COL19A1: variants seen among roughly 807,000 people sequenced by gnomAD.
COL19A1 encodes collagen alpha-1(XIX) chain.
Under a neutral mutation model 190.2 loss-of-function variants are expected in COL19A1, and 159 were observed. The observed-to-expected ratio is 0.84, with a 90% CI of 0.73 to 0.95. The LOEUF (loss-of-function observed/expected upper bound fraction) is 0.95, where lower values mean the gene tolerates loss of function less well. COL19A1 is among the 40% of genes least tolerant of loss of function. COL19A1 has a pLI of 0.00. For synonymous variants in COL19A1, 509 were observed against 458.9 expected, an observed-to-expected ratio of 1.11 and a Z score of -1.39; for missense variants, 1,418 against 1,431.9, an observed-to-expected ratio of 0.99 and a Z score of 0.16.
At chr6:69,909,244 T>G (rs541201375) in intron 4 of COL19A1, among the ~76,000 whole-genome samples, 1 of 152,210 alleles carries the variant, frequency 6.6e-6, no homozygotes, top group South Asian at 2.1e-4. Flanking sequence ...GGAGTAGTTT[T>G]TCACTTGTCT....
intron 14 of COL19A1, among the ~76,000 whole-genome samples, chr6:70,042,419 CA>C (rs1353162027): frequency 1.3e-5 from 2 of 152,006 alleles, no homozygotes; most frequent in Admixed American, 6.6e-5. Flanking sequence ...TTATATTATG[CA>C]AAAACAATTT....
At chr6:70,055,158 A>G (rs1012350154) in intron 14 of COL19A1, among the ~76,000 whole-genome samples, 1 of 152,222 alleles carries the variant, frequency 6.6e-6, no homozygotes, top group Non-Finnish European at 1.5e-5. Flanking sequence ...AATATAAAGT[A>G]AAACACCTCT....
intron 2 of COL19A1, among the ~76,000 whole-genome samples, chr6:69,895,934 T>C (rs995851493): frequency 1.3e-5 from 2 of 151,900 alleles, no homozygotes; most frequent in Non-Finnish European, 2.9e-5. Context: ...GCCATTAATA[T>C]TCTTGTCTAA....
intron 31 of COL19A1, 46 bp downstream of exon 31, chr6:70,151,484 A>G (rs750684094): frequency 1.3e-6 from 2 of 1,578,992 alleles, no homozygotes; most frequent in Non-Finnish European, 1.7e-6. Flanking sequence ...TTCCAGGAAA[A>G]ATTAGAAAGA....
At chr6:70,198,555 T>G (rs576925450) in intron 48 of COL19A1, among the ~76,000 whole-genome samples, 25 of 152,324 alleles carry the variant, frequency 1.6e-4, no homozygotes, top group Middle Eastern at 6.8e-3. Context: ...TGAGGTATAC[T>G]AAATATAAAC....
chr6:69,965,092 A>G (rs1775016873), intron 11 of COL19A1, among the ~76,000 whole-genome samples: 2 of 152,180 alleles, frequency 1.3e-5, no homozygotes, highest in Non-Finnish European at 2.9e-5. Flanking sequence ...AACATAATTT[A>G]TTTTCTGAAC....
chr6:70,190,517 G>A lies in COL19A1; in HGVS notation c.3094+136G>A, dbSNP rs115115377. On this transcript the variant is annotated intron_variant, in intron 48 of 50. Transcript: ENST00000620364. ...TTAAGGGGCAGCCCATTTTATGATG[G>A]GACAGCTCTTTGATGAAAATTCTTC... The A allele has an allele frequency of 2.4e-3, 1,480 of 616,508 alleles. 15 individuals carry two copies. In the African/African-American group the frequency reaches 0.025, roughly 10 times the overall value. 38.2% of individuals were successfully genotyped at this position (616,508 alleles called of 1,614,324 possible). A position where few individuals can be genotyped will look rare whatever the true frequency, so the allele number is the denominator to read the frequency against.
chr6:70,159,147 C>CAAAAAA (rs3840404), intron 34 of COL19A1, among the ~76,000 whole-genome samples: 1 of 135,374 alleles, frequency 7.4e-6, no homozygotes, highest in African/African-American at 2.7e-5. Flanking sequence ...CTAAAAGTAG[C>CAAAAAA]AAAAAAAAAA....
intron 16 of COL19A1, among the ~76,000 whole-genome samples, chr6:70,105,916 T>A (rs1783929865): frequency 6.6e-6 from 1 of 152,216 alleles, no homozygotes; most frequent in Non-Finnish European, 1.5e-5. Context: ...AAACATTATG[T>A]TTGAGCAATT....
intron 11 of COL19A1, among the ~76,000 whole-genome samples, chr6:70,018,191 AT>A (rs1413905704): frequency 1.3e-5 from 2 of 152,116 alleles, no homozygotes; most frequent in Non-Finnish European, 2.9e-5. Flanking sequence ...GTAAGGAATA[AT>A]TGTTCCATGT....
chr6:70,203,998 T>C (rs939403077), intron 49 of COL19A1, among the ~76,000 whole-genome samples: 3 of 152,016 alleles, frequency 2.0e-5, no homozygotes, highest in African/African-American at 7.3e-5. Flanking sequence ...GTAGCTGGGA[T>C]TACAGGTGCC....
intron 18 of COL19A1, among the ~76,000 whole-genome samples, chr6:70,133,622 G>C (rs1785655814): frequency 6.6e-6 from 1 of 152,180 alleles, no homozygotes; most frequent in South Asian, 2.1e-4. Flanking sequence ...GGTGTCTTGT[G>C]AGGAAGACTG....
chr6:69,903,219 A>G (rs1303151945), intron 4 of COL19A1, among the ~76,000 whole-genome samples: 2 of 152,224 alleles, frequency 1.3e-5, no homozygotes, highest in Admixed American at 1.3e-4. Flanking sequence ...TGTCAGTGTT[A>G]GGCTGGACTG....
At chr6:70,086,884 G>A (rs1278691956) in intron 15 of COL19A1, among the ~76,000 whole-genome samples, 1 of 152,142 alleles carries the variant, frequency 6.6e-6, no homozygotes, top group Non-Finnish European at 1.5e-5. Context: ...AATATTTATT[G>A]AGCACCTATT....
chr6:70,152,180 C>CA (rs1425329270), intron 31 of COL19A1, among the ~76,000 whole-genome samples: 3 of 152,086 alleles, frequency 2.0e-5, no homozygotes. Context: ...ACTTCATACT[C>CA]AAACACAGTG....
chr6:69,872,836 T>C (rs1767919499), intron 1 of COL19A1, among the ~76,000 whole-genome samples: 1 of 152,264 alleles, frequency 6.6e-6, no homozygotes, highest in African/African-American at 2.4e-5. Context: ...ATTGTGATTT[T>C]GGTGCTTTGT....
intron 11 of COL19A1, among the ~76,000 whole-genome samples, chr6:70,019,063 T>G (rs1422614255): frequency 6.6e-6 from 1 of 152,132 alleles, no homozygotes; most frequent in East Asian, 1.9e-4. Context: ...CAGCTTCAGC[T>G]AAAAGCTGAA....
At position 69,946,452 on chromosome 6, in the gene COL19A1, G is replaced by C. The variant is rs550529582; in HGVS notation, c.936+8352G>C. ...AGCATATTAGACTACTCAAAATTTG[G>C]TAAATTACAAAGCTGAATTACATAT... On this transcript the variant is annotated intron_variant, in intron 9 of 50. Transcript: ENST00000620364. Among the ~76,000 whole-genome samples the C allele has an allele frequency of 3.3e-5, 5 of 151,834 alleles. No individual in the cohort carries two copies. The South Asian group carries it at 8.3e-4, about 25-fold the overall frequency.
intron 47 of COL19A1, among the ~76,000 whole-genome samples, 168 bp from the exon 48 acceptor site, chr6:70,190,147 G>A (rs1386280474): frequency 6.6e-6 from 1 of 152,118 alleles, no homozygotes; most frequent in Non-Finnish European, 1.5e-5. Context: ...CCAGAATTTG[G>A]TCAAAGCAAC....
Sources: allele counts gnomAD v4.1 joint callset (sites outside exome capture counted in the v4.1 genomes callset), GRCh38; gene constraint gnomAD v4.1.1; transcripts MANE v1.5; gene names NCBI Gene and HGNC (gene_info 2026-07-23, HGNC 2026-07-21).